Variants in PAK1 observed in about 807,000 individuals in gnomAD.
PAK1 encodes p21 (RAC1) activated kinase 1.
A neutral mutation model predicts 67.4 loss-of-function variants in PAK1; 29 were observed. The ratio of observed to expected loss-of-function variants is 0.43; its 90% confidence interval spans 0.32 to 0.59. The LOEUF is 0.59. Ranked by LOEUF, PAK1 falls within the 20% of genes least tolerant of loss-of-function variation. The pLI, the probability that PAK1 is intolerant of heterozygous loss-of-function variation, is 0.07. For synonymous variants in PAK1, 223 were observed against 237.4 expected (o/e 0.94, Z 0.56); for missense variants, 337 against 670.7 (o/e 0.50, Z 5.50).
At chr11:77,488,667 G>A in the PAK1 span, among the ~76,000 whole-genome samples, 1 of 151,854 alleles carries the variant, frequency 6.6e-6, no homozygotes, top group Non-Finnish European at 1.5e-5. Flanking sequence ...GACGAATGTG[G>A]GAGTCTCTTA....
At chr11:77,333,019 A>T (rs1298342809) in intron 13 of PAK1, 152 bp from the exon 14 acceptor site, 1 of 670,758 alleles carries the variant, frequency 1.5e-6, no homozygotes, top group Non-Finnish European at 2.5e-6. Context: ...TGACCTAAGG[A>T]TCAGGTTGAA....
intron 1 of PAK1, among the ~76,000 whole-genome samples, chr11:77,451,713 C>A (rs902027752): frequency 6.6e-6 from 1 of 150,776 alleles, no homozygotes; most frequent in Non-Finnish European, 1.5e-5. Flanking sequence ...CATTCTCCTG[C>A]CTCAGCCTCC....
chr11:77,392,460 T>C lies in PAK1; in HGVS notation c.61A>G (p.Ser21Gly). 1 of 1,614,104 alleles carries C rather than the reference T, an allele frequency of 6.2e-7. No individual in the cohort carries two copies. Among genetic ancestry groups the C allele is most frequent in the South Asian group, 1.1e-5 (1 of 91,076 alleles). ...KPPAPPMRNTSTMIGAGSKDA... is the reference protein window; with the variant it reads ...KPPAPPMRNTGTMIGAGSKDA... ...TTGCTGCCGGCTCCAATCATAGTGC[T>C]GGTATTTCTCATCGGAGGGGCTGGG... Residue 21 changes from serine to glycine, a missense_variant, in exon 2 of 15, where the codon AGC becomes GGC. Physicochemically the swap from Ser to Gly is moderately conservative, Grantham distance 56 (BLOSUM62 0). Transcript: ENST00000356341.
chr11:77,360,379 T>C (rs1181114008), intron 5 of PAK1, among the ~76,000 whole-genome samples: 1 of 152,196 alleles, frequency 6.6e-6, no homozygotes, highest in East Asian at 1.9e-4. Flanking sequence ...AGTGTTATAA[T>C]TTGAAAGATG....
intron 1 of PAK1, among the ~76,000 whole-genome samples, chr11:77,466,777 T>C (rs1311338163): frequency 6.6e-6 from 1 of 152,168 alleles, no homozygotes; most frequent in Non-Finnish European, 1.5e-5. Context: ...AAGACGGCTA[T>C]GGTGTAATAG....
chr11:77,463,159 G>A (rs1192635419), intron 1 of PAK1, among the ~76,000 whole-genome samples: 1 of 152,096 alleles, frequency 6.6e-6, no homozygotes, highest in Non-Finnish European at 1.5e-5. Context: ...ATAGTTTCAT[G>A]TAAGCAAATA....
At chr11:77,379,600 C>T (rs1288467221) in intron 3 of PAK1, among the ~76,000 whole-genome samples, 2 of 152,194 alleles carry the variant, frequency 1.3e-5, no homozygotes, top group Non-Finnish European at 2.9e-5. Context: ...CTTCACCAGG[C>T]TATACCTCCA....
At chr11:77,483,826 T>C in the PAK1 span, among the ~76,000 whole-genome samples, 1 of 152,228 alleles carries the variant, frequency 6.6e-6, no homozygotes, top group African/African-American at 2.4e-5. Context: ...TTCGTGGAGA[T>C]GAAAATTTAG....
the PAK1 span, among the ~76,000 whole-genome samples, chr11:77,491,283 G>A: frequency 9.9e-5 from 15 of 151,246 alleles, no homozygotes; most frequent in Non-Finnish European, 1.8e-4. Context: ...ACTAAAAGAT[G>A]AATCTGTCAA....
intron 2 of PAK1, among the ~76,000 whole-genome samples, chr11:77,384,109 C>T (rs1201892830): frequency 6.6e-6 from 1 of 152,134 alleles, no homozygotes; most frequent in African/African-American, 2.4e-5. Context: ...GTTAGCCAGA[C>T]CGAGATGGGA....
intron 1 of PAK1, among the ~76,000 whole-genome samples, chr11:77,470,897 G>A (rs946598153): frequency 1.3e-5 from 2 of 152,146 alleles, no homozygotes; most frequent in African/African-American, 4.8e-5. Flanking sequence ...TGCAGGCTTT[G>A]GTTGGAGACA....
intron 1 of PAK1, among the ~76,000 whole-genome samples, chr11:77,427,388 A>T (rs1301910803): frequency 2.0e-5 from 3 of 148,420 alleles, no homozygotes; most frequent in Non-Finnish European, 3.0e-5. Flanking sequence ...ATTTTTTTTT[A>T]AAGACATATT....
At chr11:77,383,398 C>G (rs1367529414) in intron 2 of PAK1, among the ~76,000 whole-genome samples, 1 of 149,590 alleles carries the variant, frequency 6.7e-6, no homozygotes, top group Admixed American at 6.7e-5. Context: ...GATCTCAGCT[C>G]ACTGCAACCT....
At chr11:77,361,005 C>T (rs1487358280) in intron 5 of PAK1, among the ~76,000 whole-genome samples, 1 of 152,192 alleles carries the variant, frequency 6.6e-6, no homozygotes, top group African/African-American at 2.4e-5. Context: ...CATCATCCAT[C>T]TACCCATATA....
At chr11:77,335,993 A>T in intron 13 of PAK1, 93 bp downstream of exon 13, 1 of 735,706 alleles carries the variant, frequency 1.4e-6, no homozygotes, top group Non-Finnish European at 2.2e-6. Context: ...AGGGATCTCC[A>T]GGTTGAAAAC....
chr11:77,386,953 T>C (rs1233584177), intron 2 of PAK1, among the ~76,000 whole-genome samples: 1 of 152,076 alleles, frequency 6.6e-6, no homozygotes, highest in South Asian at 2.1e-4. Context: ...TTTGTATTTT[T>C]AGTAGACACA....
At chr11:77,393,285 A>AAGAGAGAGAG (rs35216521) in intron 1 of PAK1, among the ~76,000 whole-genome samples, 1 of 141,784 alleles carries the variant, frequency 7.1e-6, no homozygotes, top group African/African-American at 2.6e-5. Context: ...TAAAAAAAAA[A>AAGAGAGAGAG]AGAGAGAGAG....
At chr11:77,399,361 C>T (rs1355244766) in intron 1 of PAK1, among the ~76,000 whole-genome samples, 2 of 152,080 alleles carry the variant, frequency 1.3e-5, no homozygotes, top group East Asian at 3.9e-4. Flanking sequence ...TTTGAGTGAT[C>T]AGTGAAGTTT....
intron 5 of PAK1, among the ~76,000 whole-genome samples, chr11:77,367,842 T>C (rs1220520291): frequency 1.3e-5 from 2 of 152,026 alleles, no homozygotes; most frequent in Non-Finnish European, 2.9e-5. Flanking sequence ...TAGCCTGGCA[T>C]GGTGGTGCGT....
Sources: allele counts gnomAD v4.1 joint callset (sites outside exome capture counted in the v4.1 genomes callset), GRCh38; gene constraint gnomAD v4.1.1; transcripts MANE v1.5; gene names NCBI Gene and HGNC (gene_info 2026-07-23, HGNC 2026-07-21).